The following PACRG variants were observed in gnomAD, a reference collection of about 807,000 sequenced individuals.
The protein encoded by PACRG is parkin coregulated.
In PACRG, 29 loss-of-function variants were observed where a neutral mutation model predicts 29.7. That is an observed-to-expected ratio of 0.98 (90% CI 0.73 to 1.33). The LOEUF (loss-of-function observed/expected upper bound fraction) is 1.33. Ranked by LOEUF, PACRG falls within the 40% of genes most tolerant of loss-of-function variation. PACRG has a pLI of 0.00. For synonymous variants in PACRG, 116 were observed against 118.7 expected, an observed-to-expected ratio of 0.98 and a Z score of 0.15; for missense variants, 279 against 316.2, an observed-to-expected ratio of 0.88 and a Z score of 0.89.
At chr6:163,300,042 G>A (rs1187245894) in intron 4 of PACRG, among the ~76,000 whole-genome samples, 6 of 152,180 alleles carry the variant, frequency 3.9e-5, no homozygotes, top group East Asian at 1.9e-4. Flanking sequence ...TGACCTATCC[G>A]GAGGCCTTGG....
intron 2 of PACRG, among the ~76,000 whole-genome samples, chr6:163,011,474 A>G (rs2128211074): frequency 6.6e-6 from 1 of 152,346 alleles, no homozygotes; most frequent in South Asian, 2.1e-4. Flanking sequence ...TATATAGGGC[A>G]TTTGCCATAA....
chr6:162,823,475 T>C (rs1370769190), intron 2 of PACRG, among the ~76,000 whole-genome samples: 1 of 151,910 alleles, frequency 6.6e-6, no homozygotes, highest in East Asian at 1.9e-4. Flanking sequence ...TTTTATCTCT[T>C]TATCCTTGTT....
intron 2 of PACRG, among the ~76,000 whole-genome samples, chr6:162,984,457 T>C (rs113399229): frequency 6.6e-6 from 1 of 152,096 alleles, no homozygotes; most frequent in Non-Finnish European, 1.5e-5. Context: ...ATTTTTACAA[T>C]TGCAAATTGT....
At chr6:162,961,058 C>A (rs1396129231) in intron 2 of PACRG, among the ~76,000 whole-genome samples, 1 of 152,238 alleles carries the variant, frequency 6.6e-6, no homozygotes, top group Non-Finnish European at 1.5e-5. Flanking sequence ...ACTTACCTTG[C>A]TGTTTGAATT....
intron 4 of PACRG, among the ~76,000 whole-genome samples, chr6:163,200,817 G>C (rs187820558): frequency 2.0e-4 from 30 of 152,240 alleles, no homozygotes; most frequent in Non-Finnish European, 4.1e-4. Context: ...CCAGGACACA[G>C]AACATTCCAG....
chr6:162,766,269 T>C (rs1259665443), intron 1 of PACRG, among the ~76,000 whole-genome samples: 1 of 152,166 alleles, frequency 6.6e-6, no homozygotes, highest in Non-Finnish European at 1.5e-5. Flanking sequence ...TTCTATGAGC[T>C]TGACATTTTT....
chr6:163,100,969 A>T, intron 4 of PACRG: 1 of 984,698 alleles, frequency 1.0e-6, no homozygotes, highest in Non-Finnish European at 1.2e-6. Flanking sequence ...ATTATGACCA[A>T]GTTCTGTTCA....
chr6:163,302,240 T>G (rs939479959), intron 4 of PACRG, among the ~76,000 whole-genome samples: 10 of 145,578 alleles, frequency 6.9e-5, no homozygotes, highest in African/African-American at 2.6e-4. Context: ...TCTCTCTTTT[T>G]TTTGTTTGTT....
chr6:162,737,649 G>A (rs945315929), intron 1 of PACRG, among the ~76,000 whole-genome samples: 1 of 151,840 alleles, frequency 6.6e-6, no homozygotes, highest in African/African-American at 2.4e-5. Flanking sequence ...AAATTGGTGG[G>A]GCTAATTTAT....
At chr6:163,180,739 A>C (rs912779856) in intron 4 of PACRG, among the ~76,000 whole-genome samples, 7 of 152,192 alleles carry the variant, frequency 4.6e-5, no homozygotes, top group African/African-American at 1.4e-4. Flanking sequence ...TTCTTCAAAC[A>C]TGTAGAGGCC....
At chr6:163,216,639 C>G (rs1306600520) in intron 4 of PACRG, among the ~76,000 whole-genome samples, 1 of 152,158 alleles carries the variant, frequency 6.6e-6, no homozygotes, top group Non-Finnish European at 1.5e-5. Flanking sequence ...TCCATCTACC[C>G]TTCAGCGCAC....
chr6:163,306,324 T>C (rs1400234975), intron 4 of PACRG, among the ~76,000 whole-genome samples: 1 of 152,194 alleles, frequency 6.6e-6, no homozygotes, highest in Non-Finnish European at 1.5e-5. Context: ...AGAAAAGAGA[T>C]GAGCTTTTAC....
At chr6:163,299,870 C>T (rs1276667791) in intron 4 of PACRG, among the ~76,000 whole-genome samples, 4 of 152,194 alleles carry the variant, frequency 2.6e-5, no homozygotes, top group Admixed American at 6.5e-5. Flanking sequence ...CAGAGGGAGA[C>T]TCCGTCTCAA....
intron 2 of PACRG, among the ~76,000 whole-genome samples, chr6:162,981,844 G>A (rs982067362): frequency 1.3e-5 from 2 of 150,246 alleles, no homozygotes; most frequent in Non-Finnish European, 3.0e-5. Flanking sequence ...TCTCAGCTTG[G>A]TCCAGTAAGA....
intron 1 of PACRG, among the ~76,000 whole-genome samples, chr6:162,812,745 G>T (rs1347482051): frequency 6.6e-6 from 1 of 152,048 alleles, no homozygotes; most frequent in Non-Finnish European, 1.5e-5. Flanking sequence ...TTAAAGAGCT[G>T]AACAAAATAG....
chr6:162,820,399 C>G (rs1482156471), intron 2 of PACRG, among the ~76,000 whole-genome samples: 1 of 151,996 alleles, frequency 6.6e-6, no homozygotes, highest in Non-Finnish European at 1.5e-5. Flanking sequence ...TGATAATTTC[C>G]TAGTAGGAAA....
intron 3 of PACRG, among the ~76,000 whole-genome samples, chr6:163,078,793 C>G (rs554551043): frequency 1.3e-5 from 2 of 152,166 alleles, no homozygotes; most frequent in African/African-American, 4.8e-5. Context: ...TGCCGTGAAA[C>G]CCCACTTCAT....
At chr6:162,887,477 C>T (rs1794431001) in intron 2 of PACRG, among the ~76,000 whole-genome samples, 1 of 152,076 alleles carries the variant, frequency 6.6e-6, no homozygotes, top group Non-Finnish European at 1.5e-5. Context: ...TTCATGTGAC[C>T]ACAGATGTTT....
chr6:163,058,686 G>A (rs1810815747), intron 2 of PACRG, among the ~76,000 whole-genome samples: 1 of 152,160 alleles, frequency 6.6e-6, no homozygotes, highest in East Asian at 1.9e-4. Context: ...CATGAGGTCA[G>A]GAGATCGAGA....
Sources: allele counts gnomAD v4.1 joint callset (sites outside exome capture counted in the v4.1 genomes callset), GRCh38; gene constraint gnomAD v4.1.1; transcripts MANE v1.5; gene names NCBI Gene and HGNC (gene_info 2026-07-23, HGNC 2026-07-21).